The following KLHL8 variants were observed in gnomAD, a reference collection of about 807,000 sequenced individuals.
KLHL8 encodes the protein kelch-like protein 8.
Under a neutral mutation model 63.5 loss-of-function variants are expected in KLHL8, and 38 were observed. The observed-to-expected ratio is 0.60, with a 90% confidence interval of 0.46 to 0.78. The LOEUF is 0.78. Among genes scored for constraint, KLHL8 ranks in the 30% least tolerant of loss-of-function variants. The pLI is 0.00. For synonymous variants in KLHL8, 224 were observed against 254.3 expected, an observed-to-expected ratio of 0.88 and a Z score of 1.13; for missense variants, 566 against 752.4, an observed-to-expected ratio of 0.75 and a Z score of 2.90.
chr4:87,165,149 C>CAAAA (rs71660120), intron 8 of KLHL8, among the ~76,000 whole-genome samples: 12 of 34,100 alleles, frequency 3.5e-4, no homozygotes, highest in Non-Finnish European at 4.3e-4. Flanking sequence ...GACTCTGTCT[C>CAAAA]AAAAAAAAAA....
chr4:87,179,355 G>A (rs996028875), intron 4 of KLHL8, among the ~76,000 whole-genome samples: 1 of 152,140 alleles, frequency 6.6e-6, no homozygotes, highest in East Asian at 1.9e-4. Flanking sequence ...TTAACACTTA[G>A]CTGTCTTTTT....
At chr4:87,215,644 C>G (rs1732566127) in intron 1 of KLHL8, among the ~76,000 whole-genome samples, 1 of 152,144 alleles carries the variant, frequency 6.6e-6, no homozygotes, top group Non-Finnish European at 1.5e-5. Flanking sequence ...CACTGTAAAG[C>G]CTTATAGCCC....
At chr4:87,180,136 G>A (rs1477732332) in intron 4 of KLHL8, among the ~76,000 whole-genome samples, 1 of 152,132 alleles carries the variant, frequency 6.6e-6, no homozygotes, top group Non-Finnish European at 1.5e-5. Flanking sequence ...TCATGCTCCT[G>A]CAACTATGCA....
intron 1 of KLHL8, among the ~76,000 whole-genome samples, chr4:87,226,548 C>G (rs1442033453): frequency 7.6e-6 from 1 of 131,230 alleles, no homozygotes; most frequent in Non-Finnish European, 1.6e-5. Context: ...GGCAACAGAG[C>G]AAGACTCTGT....
chr4:87,218,939 T>C (rs1732709227), intron 1 of KLHL8, among the ~76,000 whole-genome samples: 1 of 152,112 alleles, frequency 6.6e-6, no homozygotes, highest in Non-Finnish European at 1.5e-5. Flanking sequence ...TTTCACCATG[T>C]TGGCCAGACT....
intron 1 of KLHL8, among the ~76,000 whole-genome samples, chr4:87,197,143 T>A (rs970576457): frequency 1.3e-5 from 2 of 152,200 alleles, no homozygotes; most frequent in African/African-American, 4.8e-5. Flanking sequence ...TACATGACAG[T>A]GATCCTTAAT....
intron 6 of KLHL8, among the ~76,000 whole-genome samples, chr4:87,173,371 G>A (rs1306481502): frequency 2.0e-5 from 3 of 152,176 alleles, no homozygotes; most frequent in African/African-American, 7.2e-5. Context: ...AAAAAACAAA[G>A]TTGTATCTTT....
rs1336708025 is a variant in KLHL8 at position 87,161,714 on chromosome 4, C to A, written c.*1805G>T. 6.6e-6 allele frequency: 1 copy of A among 152,234 alleles called. No homozygotes were observed. Among genetic ancestry groups the A allele is most frequent in the Non-Finnish European group, 1.5e-5 (1 of 68,052 alleles). The allele number at this position is 152,234 out of a possible 1,614,324, so 9.4% of individuals were successfully genotyped here. ...GCCAGGTTTTGACACTTATTCTCCA[C>A]ATCCAGCCAGTTGTCACCAGTCTAG... On this transcript the variant is annotated 3_prime_UTR_variant, in exon 10 of 10. Coordinates refer to ENST00000273963, the MANE Select transcript of KLHL8 (RefSeq NM_020803.5).
chr4:87,225,664 C>A (rs1030611615), intron 1 of KLHL8, among the ~76,000 whole-genome samples: 5 of 152,130 alleles, frequency 3.3e-5, no homozygotes, highest in Admixed American at 1.3e-4. Flanking sequence ...TTGAAGATAT[C>A]TTTACAGGCA....
At chr4:87,233,871 T>A (rs1472531673) in intron 1 of KLHL8, among the ~76,000 whole-genome samples, 1 of 152,180 alleles carries the variant, frequency 6.6e-6, no homozygotes, top group Non-Finnish European at 1.5e-5. Context: ...AACAATATTT[T>A]AAAAAATACT....
intron 2 of KLHL8, among the ~76,000 whole-genome samples, chr4:87,188,526 G>A (rs1731350971): frequency 6.6e-6 from 1 of 152,032 alleles, no homozygotes; most frequent in Non-Finnish European, 1.5e-5. Context: ...CTAAAATGTG[G>A]CTATTTAACA....
chr4:87,174,739 C>T (rs573632293), intron 6 of KLHL8, among the ~76,000 whole-genome samples: 9 of 152,002 alleles, frequency 5.9e-5, no homozygotes, highest in Middle Eastern at 3.4e-3. Context: ...CTTTGAAATC[C>T]TCACGCTATT....
At chr4:87,187,694 C>T in intron 2 of KLHL8, among the ~76,000 whole-genome samples, 1 of 151,892 alleles carries the variant, frequency 6.6e-6, no homozygotes. Context: ...ATTTTTTATA[C>T]TACTTTTATG....
rs538645461 is a variant in KLHL8 at position 87,219,099 on chromosome 4, T to A, written c.-152+1319A>T. Reference sequence around the variant, plus strand: ...TTTGGTATCTTGAAAGCAATTTTTTTAAAAAGTGACGAAATAAATAAAGTG... The same window carrying A: ...TTTGGTATCTTGAAAGCAATTTTTTAAAAAAGTGACGAAATAAATAAAGTG... On this transcript the variant is annotated intron_variant, in intron 1 of 9. Transcript: ENST00000273963. 5.2e-4 allele frequency among the ~76,000 whole-genome samples: 79 copies of A among 152,320 alleles called. 1 individual carries two copies. Among genetic ancestry groups the A allele is most frequent in the South Asian group, 3.1e-3 (15 of 4,830 alleles).
At chr4:87,187,321 A>G (rs765262929) in intron 2 of KLHL8, among the ~76,000 whole-genome samples, 1 of 152,022 alleles carries the variant, frequency 6.6e-6, no homozygotes, top group African/African-American at 2.4e-5. Context: ...TCGGCCTCCA[A>G]AAGTGCTAAG....
intron 8 of KLHL8, chr4:87,167,402 T>A: frequency 2.2e-6 from 1 of 454,334 alleles, no homozygotes; most frequent in Non-Finnish European, 4.3e-6. Context: ...GAGATTTATC[T>A]GGGTGGGCCA....
chr4:87,223,129 G>C (rs13151836), upstream of KLHL8, among the ~76,000 whole-genome samples: 2 of 148,746 alleles, frequency 1.3e-5, no homozygotes, highest in Admixed American at 1.3e-4. Context: ...TTTTTTGTTT[G>C]TTTTGTTTTG....
At chr4:87,220,711 C>G (rs1732810753), upstream of KLHL8, 3 of 152,266 alleles carry the variant, frequency 2.0e-5, no homozygotes, top group South Asian at 4.1e-4. Context: ...ACGGCCTCGC[C>G]CCCGCGGCTC....
chr4:87,192,692 T>C (rs910807111), intron 2 of KLHL8, among the ~76,000 whole-genome samples: 1 of 152,150 alleles, frequency 6.6e-6, no homozygotes, highest in African/African-American at 2.4e-5. Flanking sequence ...ATTTTATCAT[T>C]GTGCAAATAT....
Sources: allele counts gnomAD v4.1 joint callset (sites outside exome capture counted in the v4.1 genomes callset), GRCh38; gene constraint gnomAD v4.1.1; transcripts MANE v1.5; gene names NCBI Gene and HGNC (gene_info 2026-07-23, HGNC 2026-07-21).